The following KIF24 variants were observed in gnomAD, a reference collection of about 807,000 sequenced individuals.
KIF24 encodes kinesin-like protein KIF24.
In KIF24, 81 loss-of-function variants were observed where a neutral mutation model predicts 118.9. The observed-to-expected ratio is 0.68, with a 90% CI of 0.57 to 0.82. KIF24 has a LOEUF of 0.82. Among genes scored for constraint, KIF24 ranks in the 40% least tolerant of loss-of-function variants. KIF24 has a pLI of 0.00. For synonymous variants in KIF24, 599 were observed against 610.0 expected, an observed-to-expected ratio of 0.98 and a Z score of 0.27; for missense variants, 1,560 against 1,661.6, an observed-to-expected ratio of 0.94 and a Z score of 1.06.
chr9:34,257,570 A>G lies in KIF24; in HGVS notation c.2037T>C (p.Thr679=). ...AGGCCCTGCTTTCCCACCCAAGGAC[A>G]GTTTTGTTGCCCATTCGATTTTTCT... ...CSEKNRMGNK[T]VLGWESRASG... The change falls in exon 11 of 13, where the codon ACT becomes ACC. Residue 679 remains threonine, a synonymous_variant. Coordinates refer to ENST00000402558, the MANE Select transcript of KIF24 (RefSeq NM_194313.4). 1.2e-6 allele frequency: 2 copies of G among 1,614,062 alleles called. No individual in the cohort carries two copies. The highest frequency in any genetic ancestry group is 1.7e-6 in the Non-Finnish European group (2 of 1,179,890).
chr9:34,315,215 T>C (rs914110162), intron 1 of KIF24, among the ~76,000 whole-genome samples: 4 of 152,060 alleles, frequency 2.6e-5, no homozygotes, highest in Non-Finnish European at 4.4e-5. Flanking sequence ...TTTAAACATA[T>C]ATTTCTAAAT....
chr9:34,329,264 C>G lies in KIF24; in HGVS notation c.-184G>C, dbSNP rs895090272. 2.0e-5 allele frequency among the ~76,000 whole-genome samples: 3 copies of G among 152,262 alleles called. No homozygotes were observed. Among genetic ancestry groups the G allele is most frequent in the Non-Finnish European group, 4.4e-5 (3 of 68,044 alleles). On this transcript the variant is annotated 5_prime_UTR_variant, in exon 1 of 13. Coordinates refer to ENST00000402558, the MANE Select transcript of KIF24 (RefSeq NM_194313.4). ...ATGGCAACGCCGCCAAGCGCCAGTTCGAACGCCCGCGCTGTGGCCCGCGCG... is the reference window on the plus strand; with the variant it reads ...ATGGCAACGCCGCCAAGCGCCAGTTGGAACGCCCGCGCTGTGGCCCGCGCG...
At chr9:34,329,924 TC>T (rs1253290361), upstream of KIF24, among the ~76,000 whole-genome samples, 1 of 152,208 alleles carries the variant, frequency 6.6e-6, no homozygotes, top group African/African-American at 2.4e-5. Flanking sequence ...CGCCGAACCT[TC>T]CCCTCCCTGG....
chr9:34,264,760 T>TA (rs997978466), intron 8 of KIF24, among the ~76,000 whole-genome samples: 7 of 152,052 alleles, frequency 4.6e-5, no homozygotes, highest in African/African-American at 1.2e-4. Context: ...TTTTTTTAAA[T>TA]AAAAAAAGTT....
At chr9:34,298,333 G>A (rs1014100927) in intron 3 of KIF24, among the ~76,000 whole-genome samples, 3 of 152,120 alleles carry the variant, frequency 2.0e-5, no homozygotes, top group African/African-American at 7.2e-5. Flanking sequence ...ATCACCTGAG[G>A]TCAGGAGTTT....
At chr9:34,300,102 T>C (rs1395720275) in intron 3 of KIF24, among the ~76,000 whole-genome samples, 1 of 152,116 alleles carries the variant, frequency 6.6e-6, no homozygotes, top group African/African-American at 2.4e-5. Context: ...TACATTAGAA[T>C]GGAAACTTGT....
At chr9:34,290,518 C>A (rs1427988079) in intron 4 of KIF24, 129 bp from the exon 5 acceptor site, 9 of 563,862 alleles carry the variant, frequency 1.6e-5, no homozygotes, top group Non-Finnish European at 2.5e-5. Flanking sequence ...AACACATAAA[C>A]CTTTAAGGAG....
At chr9:34,311,642 G>GTA (rs1045963086) in intron 1 of KIF24, among the ~76,000 whole-genome samples, 88 of 143,110 alleles carry the variant, frequency 6.1e-4, no homozygotes, top group African/African-American at 2.2e-3. Flanking sequence ...TTACATATGT[G>GTA]TATATATACG....
chr9:34,255,611 T>G, intron 11 of KIF24, 124 bp downstream of exon 11: 1 of 830,026 alleles, frequency 1.2e-6, no homozygotes, highest in Non-Finnish European at 1.9e-6. Context: ...GGGTTGGAGC[T>G]AGAAGCAGAC....
chr9:34,327,804 C>A (rs1436163399), intron 1 of KIF24, among the ~76,000 whole-genome samples: 7 of 150,422 alleles, frequency 4.7e-5, no homozygotes, highest in African/African-American at 1.5e-4. Flanking sequence ...TAGTGCACTA[C>A]AGCCTGGGTG....
At chr9:34,277,183 T>C (rs1835687094) in intron 6 of KIF24, among the ~76,000 whole-genome samples, 1 of 152,220 alleles carries the variant, frequency 6.6e-6, no homozygotes, top group Non-Finnish European at 1.5e-5. Context: ...TCTGGTATAT[T>C]TCCTTTTAGA....
chr9:34,269,111 CTCTA>C (rs1330594503), intron 8 of KIF24, 142 bp downstream of exon 8: 1 of 476,034 alleles, frequency 2.1e-6, no homozygotes, highest in African/African-American at 2.0e-5. Flanking sequence ...CTGGTCAGCC[CTCTA>C]TCTCCAACCC....
chr9:34,298,883 G>T (rs1330306471), intron 3 of KIF24, among the ~76,000 whole-genome samples: 2 of 152,056 alleles, frequency 1.3e-5, no homozygotes, highest in African/African-American at 4.8e-5. Context: ...GGGAGAGAAA[G>T]GGGTCCAAGA....
At chr9:34,258,055 A>C in intron 10 of KIF24, 74 bp from the exon 11 acceptor site, 1 of 1,153,580 alleles carries the variant, frequency 8.7e-7, no homozygotes, top group East Asian at 2.4e-5. Context: ...CTTTCTGGGA[A>C]AACAAAAACC....
chr9:34,259,689 A>T lies in KIF24; in HGVS notation c.1532T>A (p.Phe511Tyr), dbSNP rs768334319. 3 of 1,613,696 alleles carry T rather than the reference A, an allele frequency of 1.9e-6. No individual in the cohort carries two copies. The highest frequency in any genetic ancestry group is 1.3e-5 in the African/African-American group (1 of 75,042). The change falls in exon 10 of 13, where the codon TTC becomes TAC. Residue 511 changes from phenylalanine (F) to tyrosine (Y), a missense_variant. Phe to Tyr is a conservative substitution (Grantham distance 22, BLOSUM62 3). Around this residue, in one of 3 missense-constraint regions of KIF24, gnomAD observed 964 missense variants for 988.0 expected, o/e 0.98. Coordinates refer to ENST00000402558, the MANE Select transcript of KIF24 (RefSeq NM_194313.4). ...SKLTQVLKDS[F>Y]IGNAKTCMIA... is the part of the protein sequence containing the mutation. The stretch of plus-strand genomic sequence containing the variant: ...CATGCAGGTTTTGGCATTGCCGATG[A>T]AAGAGTCCTTCAGGACCTGTCCAAA...
chr9:34,289,810 A>G (rs750508389), intron 5 of KIF24, among the ~76,000 whole-genome samples: 7 of 152,210 alleles, frequency 4.6e-5, no homozygotes, highest in Non-Finnish European at 7.4e-5. Context: ...GAAAGTAGAA[A>G]ACATTATTTA....
chr9:34,298,063 A>G (rs1392210427), intron 3 of KIF24, among the ~76,000 whole-genome samples: 1 of 152,122 alleles, frequency 6.6e-6, no homozygotes, highest in Admixed American at 6.6e-5. Context: ...CTATACTGAG[A>G]ATGGACCACA....
intron 6 of KIF24, among the ~76,000 whole-genome samples, chr9:34,281,140 C>T (rs1017936854): frequency 6.6e-6 from 1 of 152,158 alleles, no homozygotes; most frequent in Non-Finnish European, 1.5e-5. Context: ...ATTCTCCTGC[C>T]TCAGCCTCCC....
At chr9:34,329,298 C>T (rs1018213616), upstream of KIF24, among the ~76,000 whole-genome samples, 3 of 152,264 alleles carry the variant, frequency 2.0e-5, no homozygotes, top group African/African-American at 4.8e-5. Flanking sequence ...CGTCGCCAGT[C>T]CCGCACCGCC....
Sources: allele counts gnomAD v4.1 joint callset (sites outside exome capture counted in the v4.1 genomes callset), GRCh38; gene constraint gnomAD v4.1.1; regional missense constraint gnomAD v4.1.1; transcripts MANE v1.5; gene names NCBI Gene and HGNC (gene_info 2026-07-23, HGNC 2026-07-21).